AFAP1: variants seen among roughly 807,000 people sequenced by gnomAD.
AFAP1 encodes actin filament associated protein 1, also known as actin filament-associated protein 1.
AFAP1 carries 75 observed loss-of-function variants against 93.9 expected under a neutral mutation model. That is an observed-to-expected ratio of 0.80 (90% confidence interval 0.66 to 0.97). AFAP1 has a LOEUF of 0.97. Ranked by LOEUF, AFAP1 falls within the 50% of genes least tolerant of loss-of-function variation. The pLI is 0.00. For synonymous variants in AFAP1, 517 were observed against 430.7 expected (o/e 1.20, Z -2.48); for missense variants, 1,201 against 1,050.8 (o/e 1.14, Z -1.98).
chr4:7,850,688 C>T (rs374852072), intron 4 of AFAP1, among the ~76,000 whole-genome samples: 1 of 152,214 alleles, frequency 6.6e-6, no homozygotes, highest in African/African-American at 2.4e-5. Flanking sequence ...TGGCATGTTG[C>T]GCACCCTGCT....
intron 17 of AFAP1, among the ~76,000 whole-genome samples, chr4:7,766,301 G>C (rs1714563920): frequency 6.6e-6 from 1 of 152,194 alleles, no homozygotes; most frequent in Non-Finnish European, 1.5e-5. Flanking sequence ...CCAGGGGACA[G>C]CATCACAAGG....
At chr4:7,839,398 A>G (rs2149107785) in intron 5 of AFAP1, among the ~76,000 whole-genome samples, 1 of 152,036 alleles carries the variant, frequency 6.6e-6, no homozygotes, top group African/African-American at 2.4e-5. Flanking sequence ...TTTAACATAA[A>G]TGTTTATTTA....
chr4:7,881,510 C>T (rs1373160801), intron 1 of AFAP1, among the ~76,000 whole-genome samples: 3 of 152,346 alleles, frequency 2.0e-5, no homozygotes, highest in Non-Finnish European at 4.4e-5. Flanking sequence ...GGGCCAGGCG[C>T]GGTGGCTCCC....
intron 7 of AFAP1, 60 bp downstream of exon 7, chr4:7,819,016 A>G (rs1720726216): frequency 7.0e-7 from 1 of 1,418,558 alleles, no homozygotes. Flanking sequence ...TCAAACTTTG[A>G]AAGAGACCCC....
In AFAP1 at chr4:7,917,707, T is replaced by TA. The variant is rs766354608; in HGVS notation, c.-3+21948dup. On this transcript the variant is annotated intron_variant, in intron 1 of 17. Coordinates refer to ENST00000420658, the MANE Select transcript of AFAP1 (RefSeq NM_001134647.2). ...TCTCTTGGTCCAATGGCCCAAAACTTAGAGATAAAATGTCTATTGTGATCA... is the reference window on the plus strand; with the variant it reads ...TCTCTTGGTCCAATGGCCCAAAACTTAAGAGATAAAATGTCTATTGTGATCA... Among the ~76,000 whole-genome samples the TA allele has an allele frequency of 3.3e-5, 5 of 152,072 alleles. No homozygotes were observed. The East Asian group carries it at 9.6e-4, about 29-fold the overall frequency.
intron 1 of AFAP1, among the ~76,000 whole-genome samples, chr4:7,879,337 CAG>C (rs879779560): frequency 6.6e-6 from 1 of 152,136 alleles, no homozygotes; most frequent in Non-Finnish European, 1.5e-5. Context: ...ATCAAATGAA[CAG>C]AGGTGATGTG....
intron 1 of AFAP1, among the ~76,000 whole-genome samples, chr4:7,887,851 G>A (rs1369474920): frequency 6.6e-6 from 1 of 150,612 alleles, no homozygotes; most frequent in Non-Finnish European, 1.5e-5. Flanking sequence ...TTTTGAGATG[G>A]AGTCTCGCTC....
chr4:7,812,580 G>A (rs1022301757), intron 8 of AFAP1, among the ~76,000 whole-genome samples: 16 of 152,100 alleles, frequency 1.1e-4, no homozygotes, highest in Non-Finnish European at 2.2e-4. Flanking sequence ...CACAGAACCA[G>A]GAAGAAAAAC....
At chr4:7,813,388 C>T (rs1051711977) in intron 8 of AFAP1, among the ~76,000 whole-genome samples, 6 of 152,222 alleles carry the variant, frequency 3.9e-5, no homozygotes, top group Admixed American at 3.9e-4. Context: ...AAACCAAGGT[C>T]ACCACCGTTT....
intron 14 of AFAP1, 112 bp downstream of exon 14, chr4:7,778,650 C>T: frequency 9.8e-7 from 1 of 1,018,564 alleles, no homozygotes; most frequent in Non-Finnish European, 1.6e-6. Flanking sequence ...CCCACCGCTC[C>T]ATCTCTCCAG....
At chr4:7,892,547 C>G (rs1718530828) in intron 1 of AFAP1, among the ~76,000 whole-genome samples, 1 of 152,218 alleles carries the variant, frequency 6.6e-6, no homozygotes, top group Non-Finnish European at 1.5e-5. Context: ...ACTAAGAGAA[C>G]AGACATTCCC....
chr4:7,820,763 A>G (rs111421601), intron 6 of AFAP1, among the ~76,000 whole-genome samples: 1,530 of 152,210 alleles, frequency 0.01, 10 homozygotes, highest in Non-Finnish European at 0.017. Context: ...TGTGGAGGGA[A>G]GAGGGAGGAG....
In AFAP1 at chr4:7,763,130, G is replaced by C. The variant is rs1023241973; in HGVS notation, c.*635C>G. The C allele has an allele frequency of 6.6e-6, 1 of 152,642 alleles. No individual in the cohort carries two copies. Among genetic ancestry groups the C allele is most frequent in the African/African-American group, 2.4e-5 (1 of 41,452 alleles). The allele number at this position is 152,642 out of a possible 1,614,324, so 9.5% of individuals were successfully genotyped here. On this transcript the variant is annotated 3_prime_UTR_variant, in exon 18 of 18. Transcript: ENST00000420658. ...GTTAAGAAGAATGGCAGCTTTTCATGTCTTGGTGACAAAAGCATCTGTCCA... is the reference window on the plus strand; with the variant it reads ...GTTAAGAAGAATGGCAGCTTTTCATCTCTTGGTGACAAAAGCATCTGTCCA...
chr4:7,902,965 G>A (rs374559121), intron 1 of AFAP1, among the ~76,000 whole-genome samples: 5 of 152,180 alleles, frequency 3.3e-5, no homozygotes, highest in East Asian at 3.8e-4. Flanking sequence ...TTCCTGAAGA[G>A]GTTATCTTGT....
chr4:7,871,441 A>T (rs529015826), intron 2 of AFAP1, among the ~76,000 whole-genome samples: 1 of 152,120 alleles, frequency 6.6e-6, no homozygotes. Context: ...CTGGACACCG[A>T]GTCTCTGATG....
At chr4:7,931,962 G>A (rs549789929) in intron 1 of AFAP1, among the ~76,000 whole-genome samples, 133 of 152,008 alleles carry the variant, frequency 8.7e-4, no homozygotes, top group South Asian at 2.1e-3. Context: ...CAGGGTCCAC[G>A]CCATTCTCCT....
intron 6 of AFAP1, among the ~76,000 whole-genome samples, chr4:7,835,718 A>G (rs1577271218): frequency 3.5e-5 from 3 of 85,494 alleles, no homozygotes; most frequent in Admixed American, 1.1e-4. Flanking sequence ...GGGCGGCCTT[A>G]AGGTTACCTG....
chr4:7,818,041 C>T (rs1461022602), intron 7 of AFAP1, among the ~76,000 whole-genome samples: 5 of 152,182 alleles, frequency 3.3e-5, no homozygotes, highest in African/African-American at 1.2e-4. Flanking sequence ...TGTTTAATTT[C>T]ACGTGTCAAT....
At chr4:7,855,377 G>T in intron 4 of AFAP1, 89 bp downstream of exon 4, 2 of 1,019,530 alleles carry the variant, frequency 2.0e-6, no homozygotes, top group Admixed American at 2.5e-5. Flanking sequence ...ATAATACCCT[G>T]TTGCCCTTCC....
Sources: allele counts gnomAD v4.1 joint callset (sites outside exome capture counted in the v4.1 genomes callset), GRCh38; gene constraint gnomAD v4.1.1; transcripts MANE v1.5; gene names NCBI Gene and HGNC (gene_info 2026-07-23, HGNC 2026-07-21).